The following PCDHGA3 variants were observed in gnomAD, a reference collection of about 807,000 sequenced individuals.
PCDHGA3 encodes protocadherin gamma subfamily A, 3.
PCDHGA3 carries 40 observed loss-of-function variants against 58.5 expected under a neutral mutation model. The observed-to-expected ratio is 0.68, with a 90% CI of 0.53 to 0.89. The LOEUF is 0.89. PCDHGA3 is among the 40% of genes least tolerant of loss of function. The probability of loss-of-function intolerance (pLI) is 0.00; values close to 1 mark genes in which losing one functional copy is unlikely to be tolerated. For synonymous variants in PCDHGA3, 530 were observed against 525.7 expected, an observed-to-expected ratio of 1.01 and a Z score of -0.11; for missense variants, 1,223 against 1,195.9, an observed-to-expected ratio of 1.02 and a Z score of -0.33.
At chr5:141,429,542 A>G (rs1484411621) in intron 1 of PCDHGA3, among the ~76,000 whole-genome samples, 3 of 152,188 alleles carry the variant, frequency 2.0e-5, no homozygotes, top group African/African-American at 7.2e-5. Context: ...AAATAAGAAC[A>G]TGGTAATGAT....
intron 1 of PCDHGA3, chr5:141,384,214 T>C (rs1305082096): frequency 6.2e-6 from 10 of 1,613,756 alleles, no homozygotes; most frequent in South Asian, 1.1e-5. Flanking sequence ...AACTCACATA[T>C]TCATGCAGGT....
At chr5:141,456,364 G>A (rs778916049) in intron 1 of PCDHGA3, among the ~76,000 whole-genome samples, 2 of 152,258 alleles carry the variant, frequency 1.3e-5, no homozygotes, top group Admixed American at 6.5e-5. Flanking sequence ...TCCATGTGTG[G>A]TTCAGTTTAC....
In PCDHGA3 at chr5:141,420,134, G is replaced by A. The variant is rs769225630; in HGVS notation, c.2424+73677G>A. The A allele has an allele frequency of 1.1e-5, 18 of 1,613,952 alleles. No homozygotes were observed. Among genetic ancestry groups the A allele is most frequent in the Non-Finnish European group, 1.4e-5 (17 of 1,179,876 alleles). Reference sequence around the variant, plus strand: ...TGCCTATAATTTTTGTGTGCCTGGGGATCAAATGAATCCAGAATTTAATTT... The same window carrying A: ...TGCCTATAATTTTTGTGTGCCTGGGAATCAAATGAATCCAGAATTTAATTT... On this transcript the variant is annotated intron_variant, in intron 1 of 3. Coordinates refer to ENST00000253812, the MANE Select transcript of PCDHGA3 (RefSeq NM_018916.4).
At chr5:141,505,977 G>A (rs944259753) in intron 3 of PCDHGA3, among the ~76,000 whole-genome samples, 1 of 152,150 alleles carries the variant, frequency 6.6e-6, no homozygotes, top group East Asian at 1.9e-4. Flanking sequence ...CCAGCCGAGA[G>A]AACACCTCCT....
Position 141,345,852 on chromosome 5 carries a change from C to A in PCDHGA3, c.1819C>A (p.Arg607Ser). The A allele has an allele frequency of 6.2e-7, 1 of 1,613,470 alleles. No homozygotes were observed. Among genetic ancestry groups the A allele is most frequent in the Non-Finnish European group, 8.5e-7 (1 of 1,179,964 alleles). The part of the protein sequence containing the change: ...DSGQNAWLSY[R>S]LLKASEPGLF... ...GGGCCAGAACGCCTGGCTGTCCTAC[C>A]GCCTGCTCAAGGCCAGCGAGCCGGG... Residue 607 changes from arginine to serine, a missense_variant, in exon 1 of 4, where the codon CGC (arginine) becomes AGC (serine). Physicochemically the swap from Arg to Ser is moderately radical, Grantham distance 110. Transcript: ENST00000253812.
At chr5:141,362,446 A>T in intron 1 of PCDHGA3, 1 of 1,613,980 alleles carries the variant, frequency 6.2e-7, no homozygotes, top group Non-Finnish European at 8.5e-7. Flanking sequence ...TCTGAACATA[A>T]CCCCGGAATT....
intron 2 of PCDHGA3, among the ~76,000 whole-genome samples, chr5:141,495,128 G>T (rs1408872159): frequency 2.6e-5 from 4 of 152,160 alleles, no homozygotes; most frequent in African/African-American, 9.7e-5. Flanking sequence ...TCCCCTGAGG[G>T]CACTGTGGAA....
chr5:141,361,118 C>T, intron 1 of PCDHGA3: 2 of 1,614,006 alleles, frequency 1.2e-6, no homozygotes, highest in Non-Finnish European at 8.5e-7. Flanking sequence ...GGAGATCTAG[C>T]AGCCCACTGC....
chr5:141,423,875 A>G (rs1354115544), intron 1 of PCDHGA3: 8 of 1,282,448 alleles, frequency 6.2e-6, no homozygotes, highest in African/African-American at 3.1e-5. Context: ...TCATTTTTCA[A>G]TCTTGGCATA....
chr5:141,417,701 C>T (rs1382264857), intron 1 of PCDHGA3: 1 of 1,192,516 alleles, frequency 8.4e-7, no homozygotes, highest in Admixed American at 3.0e-5. Flanking sequence ...CCAGCTCCCA[C>T]ACAGAGGCTC....
At chr5:141,412,385 AT>A (rs1277702119) in intron 1 of PCDHGA3, 2 of 152,236 alleles carry the variant, frequency 1.3e-5, no homozygotes, top group Admixed American at 1.3e-4. Flanking sequence ...AAATAGGTCC[AT>A]TTAACTTGTA....
intron 1 of PCDHGA3, chr5:141,360,682 A>G: frequency 1.2e-6 from 2 of 1,614,012 alleles, no homozygotes; most frequent in Non-Finnish European, 1.7e-6. Context: ...TCTCGCTGAG[A>G]AACAGACTCC....
intron 1 of PCDHGA3, chr5:141,395,335 T>C (rs2093216572): frequency 6.9e-7 from 1 of 1,441,668 alleles, no homozygotes; most frequent in Non-Finnish European, 9.2e-7. Flanking sequence ...GAAAATAATT[T>C]TTAAGGTGTA....
chr5:141,370,608 A>G, intron 1 of PCDHGA3: 1 of 1,613,954 alleles, frequency 6.2e-7, no homozygotes, highest in Non-Finnish European at 8.5e-7. Context: ...TATTGCAGAG[A>G]AGAAATTCTT....
chr5:141,450,829 A>ATTT (rs373424450), intron 1 of PCDHGA3, among the ~76,000 whole-genome samples: 12,063 of 134,876 alleles, frequency 0.089, 619 homozygotes, highest in African/African-American at 0.14. Flanking sequence ...TATTATTATT[A>ATTT]TTTTTTTTTT....
Position 141,476,380 on chromosome 5 carries a change from G to C in PCDHGA3, c.2425-18427G>C. 1 of 1,614,154 alleles carries C rather than the reference G, an allele frequency of 6.2e-7. No homozygotes were observed. The highest frequency in any genetic ancestry group is 8.5e-7 in the Non-Finnish European group (1 of 1,180,042). On this transcript the variant is annotated intron_variant, in intron 1 of 3. Coordinates refer to ENST00000253812, the MANE Select transcript of PCDHGA3 (RefSeq NM_018916.4). The surrounding 1 kb of genome is among the most constrained non-coding windows in gnomAD (Gnocchi z 7.6). ...ACCGGGAGACCGGAGAGATGTTTGT[G>C]AACGACCGTCTGGATCGAGAGGAGC... is the stretch of plus-strand genomic sequence containing the variant.
rs1335438500 is a variant in PCDHGA3 at position 141,355,543 on chromosome 5, A to T, written c.2424+9086A>T. On this transcript the variant is annotated intron_variant, in intron 1 of 3. Coordinates refer to ENST00000253812, the MANE Select transcript of PCDHGA3 (RefSeq NM_018916.4). ...GGAGATTCTTCTAGAAGATACAGTG[A>T]AGATTTTGCGGGTAGAGGTGGAAAT... is the stretch of plus-strand genomic sequence containing the variant. 5 of 1,613,942 alleles carry T rather than the reference A, an allele frequency of 3.1e-6. No individual in the cohort carries two copies. The East Asian group carries it at 6.7e-5, about 22-fold the overall frequency.
rs534377172 is a variant in PCDHGA3 at position 141,352,119 on chromosome 5, G to A, written c.2424+5662G>A. The A allele has an allele frequency of 2.3e-5, 37 of 1,609,336 alleles. No homozygotes were observed. The East Asian group carries it at 6.0e-4, about 26-fold the overall frequency. On this transcript the variant is annotated intron_variant, in intron 1 of 3. Coordinates refer to ENST00000253812, the MANE Select transcript of PCDHGA3 (RefSeq NM_018916.4). ...CTCTTCAGCCTGGGGTTGCGCACGG[G>A]TGAGGTGCGCACAGCGCGTGCCTTG...
At chr5:141,346,534 T>C in intron 1 of PCDHGA3, 77 bp downstream of exon 1, 1 of 1,567,410 alleles carries the variant, frequency 6.4e-7, no homozygotes, top group East Asian at 2.3e-5. Flanking sequence ...CACATATGTA[T>C]TTGAGAAATA....
Sources: allele counts gnomAD v4.1 joint callset (sites outside exome capture counted in the v4.1 genomes callset), GRCh38; gene constraint gnomAD v4.1.1; non-coding constraint Gnocchi (gnomAD v3.1); transcripts MANE v1.5; gene names NCBI Gene and HGNC (gene_info 2026-07-23, HGNC 2026-07-21).